The following LDB2 variants were observed in gnomAD, a reference collection of about 807,000 sequenced individuals.
LDB2 encodes the protein LIM domain-binding protein 2.
A neutral mutation model predicts 44.3 loss-of-function variants in LDB2; 12 were observed. The observed-to-expected ratio is 0.27, with a 90% confidence interval of 0.17 to 0.44. The LOEUF (loss-of-function observed/expected upper bound fraction) is 0.44, where lower values mean the gene tolerates loss of function less well. Ranked by LOEUF, LDB2 falls within the 20% of genes least tolerant of loss-of-function variation. LDB2 has a pLI of 1.00. For synonymous variants in LDB2, 164 were observed against 174.8 expected (o/e 0.94, Z 0.49); for missense variants, 344 against 473.5 (o/e 0.73, Z 2.54).
At chr4:16,860,190 T>C (rs1712043397) in intron 1 of LDB2, among the ~76,000 whole-genome samples, 1 of 152,246 alleles carries the variant, frequency 6.6e-6, no homozygotes, top group Non-Finnish European at 1.5e-5. Flanking sequence ...GAAATAATGT[T>C]ACCTGCCAGT....
intron 2 of LDB2, among the ~76,000 whole-genome samples, chr4:16,707,784 A>C (rs1754937148): frequency 6.6e-6 from 1 of 152,186 alleles, no homozygotes; most frequent in Non-Finnish European, 1.5e-5. Flanking sequence ...GAAATGCTTA[A>C]AATCTGGGTG....
intron 2 of LDB2, among the ~76,000 whole-genome samples, chr4:16,647,021 C>T (rs747847492): frequency 6.6e-6 from 1 of 152,106 alleles, no homozygotes; most frequent in Non-Finnish European, 1.5e-5. Context: ...GTGGTCATAG[C>T]AGCATTATTC....
At chr4:16,871,193 A>T (rs548192835) in intron 1 of LDB2, among the ~76,000 whole-genome samples, 4 of 152,182 alleles carry the variant, frequency 2.6e-5, no homozygotes, top group Non-Finnish European at 5.9e-5. Context: ...GGGGTTATTT[A>T]TGTCTGTTGC....
At chr4:16,817,483 G>A (rs1000562585) in intron 1 of LDB2, among the ~76,000 whole-genome samples, 2 of 152,152 alleles carry the variant, frequency 1.3e-5, no homozygotes, top group African/African-American at 4.8e-5. Context: ...CCTAAGGCCA[G>A]TTTGAATTAA....
At chr4:16,660,187 C>A (rs1301933314) in intron 2 of LDB2, among the ~76,000 whole-genome samples, 1 of 152,088 alleles carries the variant, frequency 6.6e-6, no homozygotes, top group Non-Finnish European at 1.5e-5. Context: ...AAAGAGGGTA[C>A]ATATTTCTTC....
At chr4:16,833,126 A>G (rs1784324462) in intron 1 of LDB2, among the ~76,000 whole-genome samples, 1 of 152,120 alleles carries the variant, frequency 6.6e-6, no homozygotes, top group Non-Finnish European at 1.5e-5. Context: ...AATCTGAAAG[A>G]AAAGAAATCA....
At chr4:16,724,574 G>C (rs181664667) in intron 2 of LDB2, among the ~76,000 whole-genome samples, 1 of 152,090 alleles carries the variant, frequency 6.6e-6, no homozygotes, top group East Asian at 1.9e-4. Flanking sequence ...ACTGGGCTAT[G>C]GTAAATCTAT....
chr4:16,805,529 T>C (rs1237662589), intron 1 of LDB2, among the ~76,000 whole-genome samples: 6 of 152,274 alleles, frequency 3.9e-5, no homozygotes, highest in Admixed American at 3.9e-4. Context: ...CACAGGCTCA[T>C]GGTCCACTTT....
In LDB2 at chr4:16,506,212, T is replaced by TATCA. The variant is rs1245392036; in HGVS notation, c.891+2319_891+2322dup. On this transcript the variant is annotated intron_variant, in intron 7 of 7. Transcript: ENST00000304523. ...TGGTCACCACAAGTCATCCAACGCT[T>TATCA]ATCATTTAATGTCCATTCAACTCCA... is the stretch of plus-strand genomic sequence containing the variant. 8.9e-6 allele frequency: 4 copies of TATCA among 449,056 alleles called. No homozygotes were observed. In the Admixed American group the frequency reaches 1.6e-4, roughly 18 times the overall value. The allele number at this position is 449,056 out of a possible 1,614,324, so 27.8% of individuals were successfully genotyped here.
chr4:16,874,090 A>G (rs974305460), intron 1 of LDB2, among the ~76,000 whole-genome samples: 3 of 152,104 alleles, frequency 2.0e-5, no homozygotes, highest in African/African-American at 7.2e-5. Flanking sequence ...TTTGACTGTT[A>G]CGAACAATGA....
chr4:16,799,410 A>T (rs1777344351), intron 1 of LDB2, among the ~76,000 whole-genome samples: 1 of 152,182 alleles, frequency 6.6e-6, no homozygotes, highest in African/African-American at 2.4e-5. Context: ...CACTCACGGG[A>T]TATAAGCCCC....
chr4:16,854,504 T>TACAC (rs61445499), intron 1 of LDB2, among the ~76,000 whole-genome samples: 32,379 of 145,032 alleles, frequency 0.22, 3,964 homozygotes, highest in East Asian at 0.57. Flanking sequence ...TAAATATAAA[T>TACAC]ACACACACAC....
intron 1 of LDB2, among the ~76,000 whole-genome samples, chr4:16,868,526 G>C (rs1169139898): frequency 2.0e-5 from 3 of 152,188 alleles, no homozygotes; most frequent in Admixed American, 6.5e-5. Context: ...TGGAATCAAA[G>C]TCTGGTGGCA....
At chr4:16,637,535 A>G (rs1301341917) in intron 2 of LDB2, among the ~76,000 whole-genome samples, 1 of 152,022 alleles carries the variant, frequency 6.6e-6, no homozygotes, top group Admixed American at 6.6e-5. Flanking sequence ...AGTGCTCCCC[A>G]TCTGTCCTCT....
chr4:16,890,602 C>A (rs974073371), intron 1 of LDB2, among the ~76,000 whole-genome samples: 1 of 152,122 alleles, frequency 6.6e-6, no homozygotes, highest in African/African-American at 2.4e-5. Context: ...AGGCAACATC[C>A]CTTTACCAAT....
At chr4:16,750,179 T>C (rs539376254) in intron 2 of LDB2, among the ~76,000 whole-genome samples, 1 of 152,346 alleles carries the variant, frequency 6.6e-6, no homozygotes, top group East Asian at 1.9e-4. Flanking sequence ...TGGTATATAA[T>C]ACAGTATTAT....
At chr4:16,800,401 G>A (rs1777566989) in intron 1 of LDB2, among the ~76,000 whole-genome samples, 1 of 152,132 alleles carries the variant, frequency 6.6e-6, no homozygotes, top group Admixed American at 6.5e-5. Context: ...ATAAACTTAG[G>A]GTCCTTGGAA....
At chr4:16,570,766 G>A (rs912071632) in intron 5 of LDB2, among the ~76,000 whole-genome samples, 4 of 152,056 alleles carry the variant, frequency 2.6e-5, no homozygotes, top group African/African-American at 7.2e-5. Context: ...TCCAGGCAGT[G>A]GGATGATGAT....
chr4:16,552,328 A>G (rs1016480136), intron 5 of LDB2, among the ~76,000 whole-genome samples: 49 of 152,132 alleles, frequency 3.2e-4, no homozygotes, highest in African/African-American at 9.9e-4. Context: ...ATTTTTTTGA[A>G]TTTTATCTTA....
Sources: allele counts gnomAD v4.1 joint callset (sites outside exome capture counted in the v4.1 genomes callset), GRCh38; gene constraint gnomAD v4.1.1; transcripts MANE v1.5; gene names NCBI Gene and HGNC (gene_info 2026-07-23, HGNC 2026-07-21).